Variants in DDX1 observed in about 807,000 individuals in gnomAD.
The protein encoded by DDX1 is DEAD-box helicase 1, also known as ATP-dependent RNA helicase DDX1.
A neutral mutation model predicts 108.7 loss-of-function variants in DDX1; 28 were observed. That is an observed-to-expected ratio of 0.26 (90% confidence interval 0.19 to 0.35). The LOEUF (loss-of-function observed/expected upper bound fraction) is 0.35, where lower values mean the gene tolerates loss of function less well. DDX1 is among the 10% of genes least tolerant of loss of function. The pLI, the probability that DDX1 is intolerant of heterozygous loss-of-function variation, is 1.00. For missense variants in DDX1, 710 were observed against 884.5 expected, an observed-to-expected ratio of 0.80 and a Z score of 2.50; for synonymous variants, 295 against 288.9, an observed-to-expected ratio of 1.02 and a Z score of -0.21.
intron 14 of DDX1, among the ~76,000 whole-genome samples, chr2:15,616,893 A>G (rs2148746055): frequency 6.6e-6 from 1 of 152,346 alleles, no homozygotes; most frequent in South Asian, 2.1e-4. Context: ...AAATAAATTA[A>G]GGTCACAGAG....
chr2:15,616,382 T>C (rs1434151277), intron 14 of DDX1, among the ~76,000 whole-genome samples: 1 of 152,188 alleles, frequency 6.6e-6, no homozygotes, highest in Admixed American at 6.5e-5. Flanking sequence ...AAATATTAAG[T>C]AACTTACCTA....
chr2:15,620,608 C>T (rs568931073), intron 17 of DDX1, among the ~76,000 whole-genome samples: 68 of 152,274 alleles, frequency 4.5e-4, no homozygotes, highest in African/African-American at 1.6e-3. Flanking sequence ...TTGTGATCAG[C>T]TTCCTTGATA....
At chr2:15,604,938 G>A (rs181070007) in intron 10 of DDX1, among the ~76,000 whole-genome samples, 6 of 152,268 alleles carry the variant, frequency 3.9e-5, no homozygotes, top group Admixed American at 1.3e-4. Flanking sequence ...AATAGTAAAT[G>A]TGGATGCCCT....
intron 13 of DDX1, among the ~76,000 whole-genome samples, chr2:15,608,372 C>G (rs1665700067): frequency 6.6e-6 from 1 of 152,012 alleles, no homozygotes; most frequent in Non-Finnish European, 1.5e-5. Flanking sequence ...TACTAAAATA[C>G]AAAAATTAGC....
intron 19 of DDX1, 84 bp downstream of exon 19, chr2:15,623,666 C>A (rs1666046740): frequency 8.9e-7 from 1 of 1,125,288 alleles, no homozygotes; most frequent in South Asian, 1.4e-5. Context: ...ATCTAGAACA[C>A]ATGCACAGAA....
intron 1 of DDX1, among the ~76,000 whole-genome samples, chr2:15,593,963 A>G (rs1665460378): frequency 6.6e-6 from 1 of 152,112 alleles, no homozygotes; most frequent in African/African-American, 2.4e-5. Context: ...CTGTAGCCCC[A>G]GCTCCTCGGG....
At chr2:15,602,186 T>G (rs3815689) in intron 6 of DDX1, among the ~76,000 whole-genome samples, 26,825 of 152,174 alleles carry the variant, frequency 0.18, 2,441 homozygotes, top group South Asian at 0.27. Context: ...CTCCAGAGAA[T>G]AGTTATCTAA....
chr2:15,598,420 C>T (rs191250130), intron 5 of DDX1, among the ~76,000 whole-genome samples: 6 of 152,074 alleles, frequency 3.9e-5, no homozygotes, highest in Admixed American at 2.6e-4. Context: ...AGGAGAATAA[C>T]CATAGTGATA....
intron 17 of DDX1, 90 bp from the exon 18 acceptor site, chr2:15,620,975 A>C: frequency 1.2e-6 from 1 of 801,920 alleles, no homozygotes; most frequent in Non-Finnish European, 2.0e-6. Flanking sequence ...TCTAAAGACA[A>C]ATATAAATCT....
chr2:15,593,749 T>C (rs2148735630), intron 1 of DDX1, among the ~76,000 whole-genome samples: 1 of 152,156 alleles, frequency 6.6e-6, no homozygotes, highest in East Asian at 1.9e-4. Flanking sequence ...TCTTCATTAG[T>C]TTATCTGTGG....
chr2:15,612,626 A>G (rs1249090984), intron 13 of DDX1, among the ~76,000 whole-genome samples: 5 of 151,816 alleles, frequency 3.3e-5, no homozygotes, highest in African/African-American at 1.2e-4. Context: ...AGAGGCTGCA[A>G]TCTCGGCACT....
intron 20 of DDX1, among the ~76,000 whole-genome samples, chr2:15,627,816 G>A (rs973869986): frequency 1.3e-5 from 2 of 152,180 alleles, no homozygotes; most frequent in African/African-American, 2.4e-5. Context: ...TGATGCAGAT[G>A]TGAAAACACA....
intron 14 of DDX1, among the ~76,000 whole-genome samples, chr2:15,616,411 G>A (rs1448980456): frequency 6.8e-6 from 1 of 147,294 alleles, no homozygotes; most frequent in Admixed American, 6.8e-5. Flanking sequence ...CAACTCATAG[G>A]TAGAACTTTA....
intron 13 of DDX1, among the ~76,000 whole-genome samples, chr2:15,608,419 C>T (rs920988181): frequency 2.6e-5 from 4 of 151,434 alleles, no homozygotes; most frequent in South Asian, 4.2e-4. Flanking sequence ...CCCAGCTACT[C>T]GGGAGGCCAA....
chr2:15,595,577 A>G (rs757074952), intron 3 of DDX1, 24 bp downstream of exon 3: 15 of 1,524,628 alleles, frequency 9.8e-6, no homozygotes, highest in Non-Finnish European at 1.3e-5. Flanking sequence ...TGGTGAGGTG[A>G]TTGGTAGCTG....
intron 1 of DDX1, among the ~76,000 whole-genome samples, chr2:15,592,572 AT>A (rs1302899845): frequency 1.3e-5 from 2 of 152,156 alleles, no homozygotes; most frequent in Non-Finnish European, 2.9e-5. Flanking sequence ...GAAAATTCAT[AT>A]TTATTTGCCG....
chr2:15,610,256 G>T (rs1482251420), intron 13 of DDX1, among the ~76,000 whole-genome samples: 2 of 152,142 alleles, frequency 1.3e-5, no homozygotes, highest in African/African-American at 4.8e-5. Context: ...CTGTCCTTTG[G>T]AAGTCTTAAT....
intron 18 of DDX1, 25 bp from the exon 19 acceptor site, chr2:15,623,411 T>C: frequency 6.2e-7 from 1 of 1,610,468 alleles, no homozygotes; most frequent in Non-Finnish European, 8.5e-7. Flanking sequence ...TTCTGTTGGT[T>C]TTTGTTGTTG....
intron 1 of DDX1, among the ~76,000 whole-genome samples, chr2:15,594,518 G>A (rs948103573): frequency 2.0e-5 from 3 of 152,160 alleles, no homozygotes; most frequent in Admixed American, 6.5e-5. Flanking sequence ...GAATTATTGA[G>A]ATATGTATAC....
Sources: allele counts gnomAD v4.1 joint callset (sites outside exome capture counted in the v4.1 genomes callset), GRCh38; gene constraint gnomAD v4.1.1; transcripts MANE v1.5; gene names NCBI Gene and HGNC (gene_info 2026-07-23, HGNC 2026-07-21).